PSD3: variants seen among roughly 807,000 people sequenced by gnomAD.
PSD3 encodes PH and SEC7 domain-containing protein 3.
Under a neutral mutation model 105.5 loss-of-function variants are expected in PSD3, and 49 were observed. The ratio of observed to expected loss-of-function variants is 0.46; its 90% CI spans 0.37 to 0.59. The LOEUF is 0.59. PSD3 is among the 20% of genes least tolerant of loss of function. The pLI is 0.00. For synonymous variants in PSD3, 557 were observed against 457.8 expected, an observed-to-expected ratio of 1.22 and a Z score of -2.77; for missense variants, 1,561 against 1,263.8, an observed-to-expected ratio of 1.24 and a Z score of -3.57.
chr8:18,595,602 T>C (rs902594314), intron 12 of PSD3, among the ~76,000 whole-genome samples: 11 of 151,812 alleles, frequency 7.2e-5, no homozygotes, highest in African/African-American at 1.9e-4. Flanking sequence ...TTGCATGCAA[T>C]TGGTAACAAA....
chr8:19,024,759 A>T (rs1158213956), intron 1 of PSD3, among the ~76,000 whole-genome samples: 1 of 152,124 alleles, frequency 6.6e-6, no homozygotes, highest in Non-Finnish European at 1.5e-5. Flanking sequence ...TGGGAGACTT[A>T]TGAGCTTAGG....
At chr8:18,829,330 T>TAA (rs1288809891) in intron 4 of PSD3, among the ~76,000 whole-genome samples, 1 of 152,174 alleles carries the variant, frequency 6.6e-6, no homozygotes, top group African/African-American at 2.4e-5. Context: ...AAAACTCATT[T>TAA]AAAAAACACA....
At position 18,533,143 on chromosome 8, in the gene PSD3, T is replaced by C. The variant is rs1042571208; in HGVS notation, c.*2600A>G. Reference sequence around the variant, plus strand: ...TCCCAAAGGAAAATGTGGTTGGCTATGGGCCAGACTCTCAGAATCTAGGCA... The same window carrying C: ...TCCCAAAGGAAAATGTGGTTGGCTACGGGCCAGACTCTCAGAATCTAGGCA... On this transcript the variant is annotated 3_prime_UTR_variant, in exon 16 of 16. Transcript: ENST00000327040. 1 of 152,204 alleles carries C rather than the reference T, an allele frequency of 6.6e-6. No homozygotes were observed. Among genetic ancestry groups the C allele is most frequent in the Non-Finnish European group, 1.5e-5 (1 of 68,062 alleles). The allele number at this position is 152,204 out of a possible 1,614,324, so 9.4% of individuals were successfully genotyped here.
At chr8:18,775,391 G>A (rs335227) in intron 8 of PSD3, among the ~76,000 whole-genome samples, 3 of 152,188 alleles carry the variant, frequency 2.0e-5, no homozygotes, top group Non-Finnish European at 4.4e-5. Context: ...AGTGGGAATG[G>A]AGAGTCATAT....
At chr8:18,537,754 G>A (rs552259584) in intron 15 of PSD3, among the ~76,000 whole-genome samples, 7 of 151,948 alleles carry the variant, frequency 4.6e-5, no homozygotes, top group East Asian at 3.9e-4. Flanking sequence ...TCAGCTCACC[G>A]CAACCTCCAC....
At chr8:18,812,580 G>A (rs1811787207) in intron 4 of PSD3, among the ~76,000 whole-genome samples, 1 of 152,152 alleles carries the variant, frequency 6.6e-6, no homozygotes, top group Non-Finnish European at 1.5e-5. Context: ...CCTTTGGGAG[G>A]GCTGAGAGAA....
chr8:18,805,626 C>A (rs567220059), intron 4 of PSD3, among the ~76,000 whole-genome samples: 1 of 152,210 alleles, frequency 6.6e-6, no homozygotes, highest in African/African-American at 2.4e-5. Flanking sequence ...CTATCTTATA[C>A]TTTGAATGGA....
chr8:18,782,237 T>C lies in PSD3; in HGVS notation c.2083-16699A>G, dbSNP rs145596267. Among the ~76,000 whole-genome samples, 257 of 152,264 alleles carry C rather than the reference T, an allele frequency of 1.7e-3. No individual in the cohort carries two copies. The Middle Eastern group carries it at 0.024, about 14-fold the overall frequency. ...TTTGATGGTTTCATGCTTCCTTGAT[T>C]TCTCATGTTTCTTGTGTCCTTACAT... On this transcript the variant is annotated intron_variant, in intron 8 of 15. Transcript: ENST00000327040.
chr8:18,615,849 T>C (rs1805621606), intron 11 of PSD3, among the ~76,000 whole-genome samples: 1 of 152,232 alleles, frequency 6.6e-6, no homozygotes, highest in Non-Finnish European at 1.5e-5. Context: ...AAGACCCTGC[T>C]GTGCACGCAT....
In PSD3 at chr8:18,801,355, C is replaced by G. The variant is rs759794408; in HGVS notation, c.1938G>C (p.Val646=). 1.5e-5 allele frequency: 24 copies of G among 1,605,322 alleles called. No homozygotes were observed. In the South Asian group the frequency reaches 1.9e-4, roughly 13 times the overall value. The change falls in exon 7 of 16, where the codon GTG becomes GTC. Residue 646 remains valine (V), a synonymous_variant. Coordinates refer to ENST00000327040, the MANE Select transcript of PSD3 (RefSeq NM_015310.4). ...CTCTCTCTCGTTCTTGAGTTTCTCC[C>G]ACAAGAGAGAATGCTTTAAAGAAAT... is the stretch of plus-strand genomic sequence containing the variant. ...LRYFFKAFSL[V]GETQERERVL...
intron 4 of PSD3, among the ~76,000 whole-genome samples, chr8:18,812,492 G>C (rs566344378): frequency 1.2e-3 from 182 of 152,280 alleles, no homozygotes; most frequent in Non-Finnish European, 2.2e-3. Flanking sequence ...GACCAGTCAG[G>C]GGGTAATGCA....
intron 1 of PSD3, among the ~76,000 whole-genome samples, chr8:18,946,694 G>A (rs1016892797): frequency 5.3e-5 from 8 of 152,012 alleles, no homozygotes; most frequent in Non-Finnish European, 1.0e-4. Context: ...GAGGTCAGGA[G>A]TTCAAGACAA....
chr8:18,584,861 C>A (rs1426424968), intron 12 of PSD3, among the ~76,000 whole-genome samples: 1 of 152,080 alleles, frequency 6.6e-6, no homozygotes, highest in Non-Finnish European at 1.5e-5. Context: ...GAGCCTATGG[C>A]TTATTTTTTC....
At chr8:18,865,224 TTATATATATATATATATATATATATATA>T (rs1165818221) in intron 4 of PSD3, 14 of 64,562 alleles carry the variant, frequency 2.2e-4, no homozygotes, top group African/African-American at 2.4e-4. Flanking sequence ...AGATTCTATG[TTATATATATATATATATATATATATATA>T]TATATATATA....
intron 10 of PSD3, among the ~76,000 whole-genome samples, chr8:18,646,399 G>C (rs1044141731): frequency 1.1e-4 from 17 of 152,092 alleles, no homozygotes; most frequent in African/African-American, 4.1e-4. Flanking sequence ...TGCAAAAAAA[G>C]GAAATTACCA....
At chr8:18,679,273 C>G (rs1019999542) in intron 9 of PSD3, among the ~76,000 whole-genome samples, 18 of 152,134 alleles carry the variant, frequency 1.2e-4, no homozygotes, top group African/African-American at 3.9e-4. Context: ...ACAGAGGAAG[C>G]AATGATTAGC....
chr8:19,015,476 C>T (rs1316287068), upstream of PSD3, among the ~76,000 whole-genome samples: 2 of 152,206 alleles, frequency 1.3e-5, no homozygotes, highest in East Asian at 3.8e-4. Context: ...TATTCCCAGT[C>T]AACTCCTGCC....
intron 4 of PSD3, among the ~76,000 whole-genome samples, chr8:18,840,319 C>T (rs990041406): frequency 2.0e-5 from 3 of 152,154 alleles, no homozygotes; most frequent in South Asian, 2.1e-4. Flanking sequence ...TTGTGATGAA[C>T]ATGTTGGCCT....
intron 1 of PSD3, among the ~76,000 whole-genome samples, chr8:18,996,983 C>T (rs890893078): frequency 1.2e-4 from 18 of 151,852 alleles, no homozygotes; most frequent in Non-Finnish European, 2.6e-4. Flanking sequence ...GCTGGCAAGA[C>T]CTCGCACTCT....
Sources: allele counts gnomAD v4.1 joint callset (sites outside exome capture counted in the v4.1 genomes callset), GRCh38; gene constraint gnomAD v4.1.1; transcripts MANE v1.5; gene names NCBI Gene and HGNC (gene_info 2026-07-23, HGNC 2026-07-21).